The following ADAM19 variants were observed in gnomAD, a reference collection of about 807,000 sequenced individuals.
The protein encoded by ADAM19 is ADAM metallopeptidase domain 19, also known as disintegrin and metalloproteinase domain-containing protein 19.
ADAM19 carries 65 observed loss-of-function variants against 114.7 expected under a neutral mutation model. That is an observed-to-expected ratio of 0.57 (90% confidence interval 0.46 to 0.70). The LOEUF is 0.70. Among genes scored for constraint, ADAM19 ranks in the 30% least tolerant of loss-of-function variants. The pLI, the probability that ADAM19 is intolerant of heterozygous loss-of-function variation, is 0.00. For synonymous variants in ADAM19, 466 were observed against 460.5 expected, an observed-to-expected ratio of 1.01 and a Z score of -0.15; for missense variants, 1,063 against 1,204.7, an observed-to-expected ratio of 0.88 and a Z score of 1.74.
Position 157,575,669 on chromosome 5 carries a change from G to C in ADAM19, c.28C>G (p.Leu10Val), listed in dbSNP as rs950823696. 3 of 1,359,340 alleles carry C rather than the reference G, an allele frequency of 2.2e-6. No individual in the cohort carries two copies. The highest frequency in any genetic ancestry group is 3.1e-5 in the East Asian group (1 of 32,400). 84.2% of individuals were successfully genotyped at this position (1,359,340 alleles called of 1,614,324 possible). The stretch of plus-strand genomic sequence containing the variant: ...TGCAGGGCAAACGCCAGCAAGCAGA[G>C]CCGGGCGGCGCCTGCGCCCCCTGGC... Reference protein sequence around the residue: MPGGAGAARLCLLAFALQPL... With the variant: MPGGAGAARVCLLAFALQPL... The change falls in exon 1 of 23, where the codon CTC becomes GTC. Residue 10 changes from leucine (L) to valine (V), a missense_variant. Physicochemically the swap from Leu to Val is conservative, Grantham distance 32. Around this residue, in one of 3 missense-constraint regions of ADAM19, gnomAD observed 615 missense variants for 706.3 expected, o/e 0.87. Transcript: ENST00000257527.
intron 3 of ADAM19, among the ~76,000 whole-genome samples, chr5:157,543,605 G>C (rs1187367638): frequency 6.6e-6 from 1 of 152,106 alleles, no homozygotes; most frequent in East Asian, 1.9e-4. Flanking sequence ...ATTTTCTCCA[G>C]CACTAGCTAT....
chr5:157,514,326 CTTTCT>C (rs1771416743), intron 7 of ADAM19, among the ~76,000 whole-genome samples: 1 of 141,688 alleles, frequency 7.1e-6, no homozygotes, highest in Non-Finnish European at 1.5e-5. Context: ...AATCACATTT[CTTTCT>C]TTTTTTTTTT....
At chr5:157,551,411 CCAAAAAAAAAAA>C in intron 3 of ADAM19, among the ~76,000 whole-genome samples, 1 of 73,506 alleles carries the variant, frequency 1.4e-5, no homozygotes, top group Non-Finnish European at 2.5e-5. Context: ...CCCCCCAACC[CCAAAAAAAAAAA>C]AAAAAAAAGA....
At chr5:157,497,570 T>TATACACACACACACACACAC (rs1554079230) in intron 13 of ADAM19, among the ~76,000 whole-genome samples, 1 of 116,686 alleles carries the variant, frequency 8.6e-6, no homozygotes, top group African/African-American at 3.9e-5. Flanking sequence ...GGCCCACTAA[T>TATACACACACACACACACAC]ACACACACAC....
Position 157,488,276 on chromosome 5 carries a change from T to C in ADAM19, c.2539A>G (p.Ile847Val), listed in dbSNP as rs746256335. 1 of 1,613,068 alleles carries C rather than the reference T, an allele frequency of 6.2e-7. No individual in the cohort carries two copies. The highest frequency in any genetic ancestry group is 8.5e-7 in the Non-Finnish European group (1 of 1,179,100). ...GATTATCCACTTACCTGGGAAACGA[T>C]GCAATTTGGTGCGGGGGGAATTGGC... is the stretch of plus-strand genomic sequence containing the variant. Reference protein sequence around the residue: ...SRPIPPAPNCIVSQDFSRPRP... With the variant: ...SRPIPPAPNCVVSQDFSRPRP... Residue 847 changes from isoleucine to valine, a missense_variant, in exon 21 of 23, where the codon ATC becomes GTC. Coordinates refer to ENST00000257527, the MANE Select transcript of ADAM19 (RefSeq NM_033274.5).
rs146858323 is a variant in ADAM19 at position 157,491,877 on chromosome 5, G to A, written c.1944C>T (p.Phe648=). ...TCTTCCCACAGCCTTCAGTTTCAAA[G>A]AAGGAGGTGTTCCTGCACTGCCCCT... is the stretch of plus-strand genomic sequence containing the variant. ...CFEGQCRNTS[F]FETEGCGKKC... Residue 648 remains phenylalanine, a synonymous_variant, in exon 17 of 23, where the codon TTC becomes TTT. Transcript: ENST00000257527. 4.8e-5 allele frequency: 77 copies of A among 1,614,240 alleles called. No individual in the cohort carries two copies. In the Admixed American group the frequency reaches 6.3e-4, roughly 13 times the overall value.
intron 13 of ADAM19, among the ~76,000 whole-genome samples, chr5:157,498,483 A>T (rs1424451560): frequency 2.0e-5 from 3 of 152,220 alleles, no homozygotes; most frequent in African/African-American, 7.2e-5. Context: ...TGGGTGATTA[A>T]ACGTGAGTTA....
chr5:157,570,984 C>A lies in ADAM19; in HGVS notation c.95-4G>T, dbSNP rs764498253. The A allele has an allele frequency of 1.9e-5, 30 of 1,613,540 alleles. No individual in the cohort carries two copies. Among genetic ancestry groups the A allele is most frequent in the Non-Finnish European group, 2.5e-5 (30 of 1,179,748 alleles). On this transcript the variant is annotated splice_region_variant and splice_polypyrimidine_tract_variant and intron_variant, in intron 1 of 22. Transcript: ENST00000257527. ...GGGCTGCCTTCCTCACTTCCTCCTG[C>A]CAATACAAGATGCAAAACCATTGGA...
chr5:157,482,079 T>A, intron 21 of ADAM19, 136 bp from the exon 22 acceptor site: 1 of 711,474 alleles, frequency 1.4e-6, no homozygotes, highest in Non-Finnish European at 2.3e-6. Context: ...AAACTGTATG[T>A]ATAATGTGTT....
At chr5:157,492,170 T>C (rs1183740867) in intron 16 of ADAM19, among the ~76,000 whole-genome samples, 1 of 152,180 alleles carries the variant, frequency 6.6e-6, no homozygotes, top group Non-Finnish European at 1.5e-5. Context: ...CCTGTGTCTG[T>C]AATCCCAGCT....
intron 5 of ADAM19, among the ~76,000 whole-genome samples, chr5:157,526,008 C>T (rs771205581): frequency 2.3e-4 from 35 of 151,938 alleles, no homozygotes; most frequent in Non-Finnish European, 4.3e-4. Flanking sequence ...TATAATGAAA[C>T]GTGCCAGACA....
chr5:157,570,414 T>A (rs1168411058), intron 2 of ADAM19: 2 of 153,046 alleles, frequency 1.3e-5, no homozygotes, highest in East Asian at 3.8e-4. Flanking sequence ...TGTGTTTTCC[T>A]GGTGTTCTGG....
intron 7 of ADAM19, 87 bp from the exon 8 acceptor site, chr5:157,513,592 C>A: frequency 8.0e-7 from 1 of 1,245,540 alleles, no homozygotes; most frequent in Non-Finnish European, 1.2e-6. Flanking sequence ...TGAATTTGCT[C>A]TTATTTTCTT....
rs779487366 is a variant in ADAM19, at chr5:157,491,898, C to A, written c.1923G>T (p.Gly641=). The change falls in exon 17 of 23, where the codon GGG becomes GGT. Residue 641 remains glycine (G), a synonymous_variant. Transcript: ENST00000257527. ...KCGYNHICFE[G]QCRNTSFFET... is the part of the protein sequence containing the mutation. ...CAAAGAAGGAGGTGTTCCTGCACTG[C>A]CCCTCAAAGCAAATCTGCACGGAGA... 1 of 1,614,188 alleles carries A rather than the reference C, an allele frequency of 6.2e-7. No individual in the cohort carries two copies. The highest frequency in any genetic ancestry group is 8.5e-7 in the Non-Finnish European group (1 of 1,180,024).
intron 5 of ADAM19, among the ~76,000 whole-genome samples, chr5:157,528,680 A>C (rs1756541009): frequency 6.6e-6 from 1 of 152,158 alleles, no homozygotes; most frequent in Non-Finnish European, 1.5e-5. Flanking sequence ...GACACTTGGG[A>C]CCTGCAGTGT....
At chr5:157,558,640 G>A (rs1435501106) in intron 3 of ADAM19, among the ~76,000 whole-genome samples, 2 of 152,154 alleles carry the variant, frequency 1.3e-5, no homozygotes, top group Non-Finnish European at 2.9e-5. Context: ...TTTATCCTAG[G>A]TAAGATGTTA....
intron 21 of ADAM19, among the ~76,000 whole-genome samples, chr5:157,485,771 C>T (rs1446607262): frequency 6.6e-6 from 1 of 152,232 alleles, no homozygotes; most frequent in African/African-American, 2.4e-5. Flanking sequence ...TCCTGTTCCT[C>T]CTTCATGTCT....
intron 3 of ADAM19, among the ~76,000 whole-genome samples, chr5:157,559,259 C>CGAG (rs1561556778): frequency 1.8e-4 from 28 of 152,140 alleles, no homozygotes; most frequent in Admixed American, 5.9e-4. Context: ...GGGGTTAGAC[C>CGAG]AAAGGACGTC....
At chr5:157,481,123 T>A in intron 22 of ADAM19, 121 bp from the exon 23 acceptor site, 1 of 1,339,960 alleles carries the variant, frequency 7.5e-7, no homozygotes, top group African/African-American at 1.4e-5. Flanking sequence ...GAACAAAGGC[T>A]TCTTGTGAAG....
Sources: gnomAD v4.1 joint callset for allele counts (sites outside exome capture counted in the v4.1 genomes callset) on GRCh38, gnomAD v4.1.1 for gene constraint, gnomAD v4.1.1 regional missense constraint, MANE v1.5 for transcripts, NCBI Gene and HGNC (gene_info 2026-07-23, HGNC 2026-07-21) for gene names.